The following PRIM1 variants were observed in gnomAD, a reference collection of about 807,000 sequenced individuals.
PRIM1 encodes the protein DNA primase subunit 1.
In PRIM1, 38 loss-of-function variants were observed where a neutral mutation model predicts 60.2. That is an observed-to-expected ratio of 0.63 (90% confidence interval 0.49 to 0.83). The LOEUF (loss-of-function observed/expected upper bound fraction) is 0.83, where lower values mean the gene tolerates loss of function less well. Among genes scored for constraint, PRIM1 ranks in the 40% least tolerant of loss-of-function variants. The pLI is 0.00. For missense variants in PRIM1, 388 were observed against 506.2 expected (o/e 0.77, Z 2.24); for synonymous variants, 158 against 160.2 (o/e 0.99, Z 0.10).
intron 2 of PRIM1, among the ~76,000 whole-genome samples, chr12:56,749,633 G>T (rs1265330972): frequency 1.3e-5 from 2 of 152,146 alleles, no homozygotes; most frequent in Non-Finnish European, 2.9e-5. Context: ...TGAGAGACGG[G>T]TCTGGGATTT....
rs377762389 is a variant in PRIM1 at position 56,752,306 on chromosome 12, G to A, written c.-8C>T. Reference sequence around the variant, plus strand: ...GGGGTCAAACGTCTCCATTGAGCGCGGAACTCGCCACGGTAAGGATTACCA... The same window carrying A: ...GGGGTCAAACGTCTCCATTGAGCGCAGAACTCGCCACGGTAAGGATTACCA... On this transcript the variant is annotated 5_prime_UTR_variant, in exon 1 of 13. Transcript: ENST00000338193. 2 of 1,559,756 alleles carry A rather than the reference G, an allele frequency of 1.3e-6. No homozygotes were observed. Among genetic ancestry groups the A allele is most frequent in the East Asian group, 2.4e-5 (1 of 41,974 alleles).
intron 11 of PRIM1, among the ~76,000 whole-genome samples, chr12:56,737,399 GA>G (rs1173872165): frequency 6.6e-6 from 1 of 151,188 alleles, no homozygotes; most frequent in Non-Finnish European, 1.5e-5. Context: ...GCCCAGGCTG[GA>G]GTGCAATGGC....
chr12:56,738,609 T>C (rs1033880207), intron 10 of PRIM1, 84 bp from the exon 11 acceptor site: 2 of 1,417,482 alleles, frequency 1.4e-6, no homozygotes, highest in Non-Finnish European at 1.9e-6. Flanking sequence ...CGGAGTGTGG[T>C]GGTGCGATCT....
intron 10 of PRIM1, among the ~76,000 whole-genome samples, chr12:56,738,944 C>T (rs898576380): frequency 2.0e-5 from 3 of 152,114 alleles, no homozygotes; most frequent in Non-Finnish European, 4.4e-5. Flanking sequence ...AAAAATTATG[C>T]GGCCAGCTAA....
intron 11 of PRIM1, among the ~76,000 whole-genome samples, chr12:56,735,354 T>C (rs1474130447): frequency 6.6e-6 from 1 of 151,980 alleles, no homozygotes; most frequent in East Asian, 1.9e-4. Flanking sequence ...TGCCTCAGTC[T>C]CCCAAAGTGC....
chr12:56,734,694 C>G (rs1376364488), intron 11 of PRIM1, among the ~76,000 whole-genome samples: 1 of 150,630 alleles, frequency 6.6e-6, no homozygotes, highest in Admixed American at 6.6e-5. Context: ...CAGACACATG[C>G]CACCATGCCC....
At chr12:56,734,480 G>A (rs1236114237) in intron 11 of PRIM1, among the ~76,000 whole-genome samples, 2 of 151,946 alleles carry the variant, frequency 1.3e-5, no homozygotes, top group Admixed American at 6.6e-5. Context: ...GCTCACTGCA[G>A]CCTCGATCTA....
chr12:56,749,387 A>G (rs999145438), intron 2 of PRIM1, among the ~76,000 whole-genome samples: 2 of 152,192 alleles, frequency 1.3e-5, no homozygotes, highest in African/African-American at 2.4e-5. Flanking sequence ...AAAAATCACA[A>G]AACAAAACAC....
At chr12:56,746,364 A>G in intron 4 of PRIM1, 183 bp from the exon 5 acceptor site, 1 of 800,884 alleles carries the variant, frequency 1.2e-6, no homozygotes, top group East Asian at 2.8e-5. Flanking sequence ...CAGGTGTGGT[A>G]GCTCACGCCT....
At chr12:56,733,645 G>A (rs1397003994) in intron 12 of PRIM1, among the ~76,000 whole-genome samples, 5 of 149,912 alleles carry the variant, frequency 3.3e-5, no homozygotes, top group Admixed American at 6.7e-5. Context: ...GCTGGAGTGC[G>A]ATGGTGTGAT....
rs142372438 is a variant in PRIM1, at chr12:56,750,515, CAATAAA to C, written c.261+517_261+522del. Reference sequence around the variant, plus strand: ...TAAGTTTTATATGTATATTTGACCTCAATAAAAATAAACAATTAAAAGAAAAAAAGA... The same window carrying C: ...TAAGTTTTATATGTATATTTGACCTCAATAAACAATTAAAAGAAAAAAAGA... On this transcript the variant is annotated intron_variant, in intron 2 of 12. Coordinates refer to ENST00000338193, the MANE Select transcript of PRIM1 (RefSeq NM_000946.3). Among the ~76,000 whole-genome samples the C allele has an allele frequency of 2.2e-3, 337 of 150,498 alleles. 2 individuals are homozygous for C. Among genetic ancestry groups the C allele is most frequent in the Non-Finnish European group, 4.2e-3 (286 of 67,760 alleles).
At chr12:56,750,988 C>T in intron 2 of PRIM1, 50 bp downstream of exon 2, 1 of 1,253,000 alleles carries the variant, frequency 8.0e-7, no homozygotes, top group Non-Finnish European at 1.0e-6. Flanking sequence ...TCAACCCATT[C>T]TTGGTTTACA....
chr12:56,735,107 G>A (rs924247647), intron 11 of PRIM1, among the ~76,000 whole-genome samples: 4 of 151,036 alleles, frequency 2.6e-5, no homozygotes, highest in East Asian at 2.0e-4. Flanking sequence ...CACCGCGCCC[G>A]GTCCATGCCT....
rs373008443 is a variant in PRIM1, at chr12:56,741,728, G to C, written c.840+18C>G. The C allele has an allele frequency of 5.6e-6, 9 of 1,607,954 alleles. No individual in the cohort carries two copies. Among genetic ancestry groups the C allele is most frequent in the African/African-American group, 1.3e-5 (1 of 74,764 alleles). On this transcript the variant is annotated intron_variant, in intron 8 of 12. Transcript: ENST00000338193. Reference sequence around the variant, plus strand: ...ATTGCATTATTATATCTGTAATACAGATTTCAGTGGCATATACCTGATATC... The same window carrying C: ...ATTGCATTATTATATCTGTAATACACATTTCAGTGGCATATACCTGATATC...
rs573455827 is a variant in PRIM1 at position 56,739,343 on chromosome 12, C to T, written c.1003G>A (p.Asp335Asn). ...PKTGRISVPI[D>N]LQKVDQFDPF... ...TCAAACTGGTCCACTTTCTGCAAATCAATAGGCACAGATATGCGACCTGTA... is the reference window on the plus strand; with the variant it reads ...TCAAACTGGTCCACTTTCTGCAAATTAATAGGCACAGATATGCGACCTGTA... Residue 335 changes from aspartate to asparagine, a missense_variant, in exon 10 of 13, where the codon GAT becomes AAT. Transcript: ENST00000338193. 1.3e-6 allele frequency: 2 copies of T among 1,581,018 alleles called. No individual in the cohort carries two copies. Among genetic ancestry groups the T allele is most frequent in the South Asian group, 2.3e-5 (2 of 86,414 alleles).
intron 10 of PRIM1, among the ~76,000 whole-genome samples, chr12:56,738,900 T>C (rs1467055751): frequency 6.6e-6 from 1 of 152,206 alleles, no homozygotes; most frequent in Non-Finnish European, 1.5e-5. Context: ...ATCCAGTGTA[T>C]AATAGCATGT....
At chr12:56,735,211 G>C (rs1196426877) in intron 11 of PRIM1, among the ~76,000 whole-genome samples, 2 of 151,698 alleles carry the variant, frequency 1.3e-5, no homozygotes, top group Non-Finnish European at 2.9e-5. Context: ...CGATTCTCCT[G>C]CCTCAGCCTC....
intron 5 of PRIM1, among the ~76,000 whole-genome samples, chr12:56,744,595 CATT>C (rs1043366645): frequency 6.6e-6 from 1 of 152,110 alleles, no homozygotes; most frequent in Non-Finnish European, 1.5e-5. Context: ...CAGTACCTAT[CATT>C]GTGTTACAAT....
At chr12:56,741,601 T>C in intron 8 of PRIM1, 25 bp from the exon 9 acceptor site, 2 of 1,604,596 alleles carry the variant, frequency 1.2e-6, no homozygotes, top group Admixed American at 3.4e-5. Context: ...AAGGCCAACA[T>C]GAGGATCAGT....
Sources: allele counts gnomAD v4.1 joint callset (sites outside exome capture counted in the v4.1 genomes callset), GRCh38; gene constraint gnomAD v4.1.1; transcripts MANE v1.5; gene names NCBI Gene and HGNC (gene_info 2026-07-23, HGNC 2026-07-21).